The following RBM5 variants were observed in gnomAD, a reference collection of about 807,000 sequenced individuals.
RBM5 encodes RNA binding motif protein 5, also known as RNA-binding protein 5.
A neutral mutation model predicts 124.6 loss-of-function variants in RBM5; 15 were observed. That is an observed-to-expected ratio of 0.12 (90% CI 0.08 to 0.19). The LOEUF (loss-of-function observed/expected upper bound fraction) is 0.19, where lower values mean the gene tolerates loss of function less well. Among genes scored for constraint, RBM5 ranks in the 10% least tolerant of loss-of-function variants. The probability of loss-of-function intolerance (pLI) is 1.00; values close to 1 mark genes in which losing one functional copy is unlikely to be tolerated. For synonymous variants in RBM5, 337 were observed against 361.2 expected (o/e 0.93, Z 0.76); for missense variants, 580 against 1,026.5 (o/e 0.57, Z 5.94).
intron 2 of RBM5, among the ~76,000 whole-genome samples, chr3:50,091,087 A>G (rs1215551362): frequency 6.6e-6 from 1 of 152,218 alleles, no homozygotes; most frequent in African/African-American, 2.4e-5. Flanking sequence ...TTATTCAGCC[A>G]TCTGCCTTTT....
At chr3:50,099,770 G>A in intron 4 of RBM5, 1 of 403,050 alleles carries the variant, frequency 2.5e-6, no homozygotes, top group Admixed American at 4.2e-5. Flanking sequence ...GCTGAGGCAG[G>A]AGAATTGCTT....
intron 6 of RBM5, chr3:50,102,847 AG>A: frequency 2.0e-6 from 1 of 490,360 alleles, no homozygotes; most frequent in Non-Finnish European, 3.6e-6. Context: ...GTCAGCGTTT[AG>A]TGTTTGACAG....
intron 6 of RBM5, chr3:50,101,905 T>C (rs1416154451): frequency 6.6e-6 from 1 of 152,176 alleles, no homozygotes; most frequent in Non-Finnish European, 1.5e-5. Flanking sequence ...TATTCACATA[T>C]CTCCCAGCTT....
At chr3:50,093,252 A>G (rs1408080009) in intron 3 of RBM5, among the ~76,000 whole-genome samples, 1 of 151,708 alleles carries the variant, frequency 6.6e-6, no homozygotes, top group African/African-American at 2.4e-5. Flanking sequence ...ATCCTGGCTA[A>G]CATGGTGAAA....
chr3:50,105,546 T>C lies in RBM5; in HGVS notation c.695-3T>C, dbSNP rs575972557. 9 of 1,613,040 alleles carry C rather than the reference T, an allele frequency of 5.6e-6. No individual in the cohort carries two copies. In the South Asian group the frequency reaches 7.7e-5, roughly 14 times the overall value. On this transcript the variant is annotated splice_region_variant and splice_polypyrimidine_tract_variant and intron_variant, in intron 9 of 24. Transcript: ENST00000347869. Reference sequence around the variant, plus strand: ...GTATGTCATTTGTCTCATTTACCCCTAGCGATCATTCTTCGGAACATAGCT... The same window carrying C: ...GTATGTCATTTGTCTCATTTACCCCCAGCGATCATTCTTCGGAACATAGCT...
intron 22 of RBM5, 167 bp from the exon 23 acceptor site, chr3:50,116,907 G>A: frequency 3.2e-6 from 2 of 623,112 alleles, no homozygotes; most frequent in Non-Finnish European, 5.6e-6. Flanking sequence ...TTTCAGATAT[G>A]ACTAGGTATG....
chr3:50,089,900 T>A (rs1251992668), intron 1 of RBM5: 1 of 158,174 alleles, frequency 6.3e-6, no homozygotes, highest in African/African-American at 2.4e-5. Flanking sequence ...ATGTAGTAGA[T>A]TTCAGTCAGC....
At chr3:50,102,663 G>A in intron 6 of RBM5, 1 of 174,170 alleles carries the variant, frequency 5.7e-6, no homozygotes, top group Non-Finnish European at 1.2e-5. Flanking sequence ...GGGGGACTGG[G>A]GAAAAAGGTG....
At position 50,117,143 on chromosome 3, in the gene RBM5, C is replaced by T. The variant is rs2091268096; in HGVS notation, c.2164C>T (p.Arg722Cys). 4.3e-6 allele frequency: 7 copies of T among 1,614,032 alleles called. No homozygotes were observed. Among genetic ancestry groups the T allele is most frequent in the African/African-American group, 4.0e-5 (3 of 74,908 alleles). Residue 722 changes from arginine to cysteine, a missense_variant, in exon 23 of 25, where the codon CGC becomes TGC. Arg to Cys is a radical substitution (Grantham distance 180). Around this residue, in one of 6 missense-constraint regions of RBM5, gnomAD observed 234 missense variants for 435.1 expected, o/e 0.54. Transcript: ENST00000347869. This position sits in a 1 kb window ranked among gnomAD's most constrained non-coding sequence, Gnocchi z 4.2. ...YGIPEPPEPK[R>C]KKQFDAGTVN... is the part of the protein sequence containing the mutation. Reference sequence around the variant, plus strand: ...CATTCCAGAACCTCCAGAGCCCAAGCGCAAGAAGCAGTTTGATGCCGGCAC... The same window carrying T: ...CATTCCAGAACCTCCAGAGCCCAAGTGCAAGAAGCAGTTTGATGCCGGCAC...
intron 3 of RBM5, among the ~76,000 whole-genome samples, chr3:50,092,573 A>G (rs181586822): frequency 2.1e-4 from 32 of 152,000 alleles, no homozygotes; most frequent in Admixed American, 5.2e-4. Context: ...AAAAAAAAAA[A>G]AAAAGAAAAG....
chr3:50,107,097 G>A (rs1486760798), intron 11 of RBM5: 8 of 680,800 alleles, frequency 1.2e-5, no homozygotes, highest in Admixed American at 2.0e-5. Context: ...GGCAAGTATG[G>A]CAGATGGGTT....
chr3:50,114,069 A>G lies in RBM5; in HGVS notation c.1737A>G (p.Ala579=), dbSNP rs2091195457. The G allele has an allele frequency of 6.2e-7, 1 of 1,614,136 alleles. No individual in the cohort carries two copies. Among genetic ancestry groups the G allele is most frequent in the Non-Finnish European group, 8.5e-7 (1 of 1,180,054 alleles). ...AAGAAAGGAGAGAATCTGCTGCAGC[A>G]GACGCTGGCTTTGCTCTCTTTGAGA... The part of the protein sequence containing the change: ...REEERRESAA[A]DAGFALFEKK... Residue 579 remains alanine, a synonymous_variant, in exon 19 of 25, where the codon GCA becomes GCG. Transcript: ENST00000347869.
chr3:50,105,419 C>G, intron 9 of RBM5, 130 bp from the exon 10 acceptor site: 1 of 1,022,544 alleles, frequency 9.8e-7, no homozygotes, highest in Non-Finnish European at 1.4e-6. Context: ...AGAATCTTCT[C>G]CATGTCAGGG....
intron 12 of RBM5, among the ~76,000 whole-genome samples, 192 bp from the exon 13 acceptor site, chr3:50,107,878 A>T (rs756757904): frequency 8.0e-5 from 12 of 150,522 alleles, no homozygotes; most frequent in Non-Finnish European, 1.2e-4. Context: ...TAGAGATGGG[A>T]TTTCACCACG....
rs529469481 is a variant in RBM5, at chr3:50,093,726, C to G, written c.190C>G (p.Arg64Gly). The change falls in exon 4 of 25, where the codon CGT becomes GGT. Residue 64 changes from arginine (R) to glycine (G), a missense_variant. Arg to Gly is a moderately radical substitution (Grantham distance 125, BLOSUM62 -2). This residue lies in a region of RBM5 where 99 missense variants were observed against 121.1 expected (regional missense o/e 0.82). Transcript: ENST00000347869. ...YRDYDSPERERERRNSDRSED... is the reference protein window; with the variant it reads ...YRDYDSPEREGERRNSDRSED... ...TTTGTTTATTGTAACTCAGAGAGAG[C>G]GTGAAAGAAGGAACAGTGACCGATC... 6.2e-7 allele frequency: 1 copy of G among 1,612,158 alleles called. No individual in the cohort carries two copies. Among genetic ancestry groups the G allele is most frequent in the Non-Finnish European group, 8.5e-7 (1 of 1,178,534 alleles).
At chr3:50,097,853 C>T (rs2090852436) in intron 4 of RBM5, among the ~76,000 whole-genome samples, 1 of 152,206 alleles carries the variant, frequency 6.6e-6, no homozygotes, top group South Asian at 2.1e-4. Context: ...GTAATCCCAG[C>T]ACTTTGGGAG....
At chr3:50,092,872 G>T in intron 3 of RBM5, 1 of 234,482 alleles carries the variant, frequency 4.3e-6, no homozygotes, top group South Asian at 4.2e-5. Flanking sequence ...ACCATAGGGA[G>T]ACCCTGTCTT....
intron 17 of RBM5, among the ~76,000 whole-genome samples, chr3:50,112,393 G>A (rs2091161349): frequency 7.1e-6 from 1 of 140,442 alleles, no homozygotes; most frequent in South Asian, 2.3e-4. Flanking sequence ...TCCAGCCTGG[G>A]TGACGGAGCG....
At chr3:50,097,262 G>A (rs1388906435) in intron 4 of RBM5, among the ~76,000 whole-genome samples, 1 of 152,184 alleles carries the variant, frequency 6.6e-6, no homozygotes, top group Non-Finnish European at 1.5e-5. Context: ...CAGCCGTGGT[G>A]GCGGGCGCCT....
Sources: gnomAD v4.1 joint callset for allele counts (sites outside exome capture counted in the v4.1 genomes callset) on GRCh38, gnomAD v4.1.1 for gene constraint, gnomAD v4.1.1 regional missense constraint, Gnocchi (gnomAD v3.1) non-coding constraint, MANE v1.5 for transcripts, NCBI Gene and HGNC (gene_info 2026-07-23, HGNC 2026-07-21) for gene names.